RAB7A: variants seen among roughly 807,000 people sequenced by gnomAD.
The protein encoded by RAB7A is ras-related protein Rab-7a.
RAB7A carries 2 observed loss-of-function variants against 24.5 expected under a neutral mutation model. The ratio of observed to expected loss-of-function variants is 0.08; its 90% CI spans 0.03 to 0.26. RAB7A has a LOEUF of 0.26. RAB7A is among the 10% of genes least tolerant of loss of function. The probability of loss-of-function intolerance (pLI) is 1.00; values close to 1 mark genes in which losing one functional copy is unlikely to be tolerated. For synonymous variants in RAB7A, 100 were observed against 95.9 expected (o/e 1.04, Z -0.25); for missense variants, 118 against 255.7 (o/e 0.46, Z 3.67).
intron 1 of RAB7A, among the ~76,000 whole-genome samples, chr3:128,744,422 A>G (rs1444133602): frequency 6.6e-6 from 1 of 152,222 alleles, no homozygotes; most frequent in Non-Finnish European, 1.5e-5. Flanking sequence ...AGACATTTGA[A>G]ATTTATTCTC....
Position 128,798,084 on chromosome 3 carries a change from T to C in RAB7A, c.180+15T>C. On this transcript the variant is annotated intron_variant, in intron 3 of 5. Coordinates refer to ENST00000265062, the MANE Select transcript of RAB7A (RefSeq NM_004637.6). ...TCACAATGCAGGTAAGCACATGTCT[T>C]GGCTGTGCTGACCAGGCCTTGATAG... 1 of 1,613,752 alleles carries C rather than the reference T, an allele frequency of 6.2e-7. No homozygotes were observed. Among genetic ancestry groups the C allele is most frequent in the Non-Finnish European group, 8.5e-7 (1 of 1,179,704 alleles).
intron 1 of RAB7A, among the ~76,000 whole-genome samples, chr3:128,779,156 A>G (rs1360976555): frequency 2.0e-5 from 3 of 152,180 alleles, no homozygotes; most frequent in African/African-American, 4.8e-5. Flanking sequence ...GCTCACGCCT[A>G]TAATCCCAGC....
chr3:128,799,343 A>G (rs1188386545), intron 3 of RAB7A: 3 of 151,606 alleles, frequency 2.0e-5, no homozygotes, highest in Admixed American at 6.6e-5. Flanking sequence ...CAGGGCCTGT[A>G]TACCCACCTG....
intron 1 of RAB7A, among the ~76,000 whole-genome samples, chr3:128,773,210 G>A (rs1260853268): frequency 4.6e-5 from 7 of 151,222 alleles, no homozygotes; most frequent in South Asian, 2.1e-4. Flanking sequence ...CCGCGACCCC[G>A]TCTGGGATAT....
intron 1 of RAB7A, among the ~76,000 whole-genome samples, chr3:128,793,530 T>C (rs144805772): frequency 0.012 from 1,814 of 152,260 alleles, 33 homozygotes; most frequent in African/African-American, 0.039. Context: ...ATGATTTGCC[T>C]ACCTTGGCCT....
chr3:128,760,208 T>C (rs1050551440), intron 1 of RAB7A, among the ~76,000 whole-genome samples: 5 of 152,112 alleles, frequency 3.3e-5, no homozygotes, highest in Non-Finnish European at 7.4e-5. Flanking sequence ...AAAGTCTTCT[T>C]TCTCCGCCTG....
At chr3:128,740,497 G>A (rs913142012) in intron 1 of RAB7A, among the ~76,000 whole-genome samples, 22 of 152,182 alleles carry the variant, frequency 1.4e-4, no homozygotes, top group African/African-American at 5.3e-4. Flanking sequence ...TTTACATTTT[G>A]TAGTTTGAGA....
At chr3:128,812,893 A>C (rs1163106133) in intron 5 of RAB7A, among the ~76,000 whole-genome samples, 1 of 152,234 alleles carries the variant, frequency 6.6e-6, no homozygotes, top group African/African-American at 2.4e-5. Flanking sequence ...CCTCGTGCAC[A>C]CACTGGCTGA....
At chr3:128,730,449 T>C (rs558171839) in intron 1 of RAB7A, among the ~76,000 whole-genome samples, 1 of 152,200 alleles carries the variant, frequency 6.6e-6, no homozygotes, top group East Asian at 1.9e-4. Context: ...AGATTGGTCT[T>C]GATCTCCTGA....
intron 2 of RAB7A, 66 bp from the exon 3 acceptor site, chr3:128,797,877 A>G (rs1933608546): frequency 4.4e-6 from 7 of 1,574,186 alleles, no homozygotes; most frequent in Non-Finnish European, 5.2e-6. Context: ...AAATGCTTCA[A>G]GTAATTCGTG....
At chr3:128,773,007 A>G (rs373734962) in intron 1 of RAB7A, among the ~76,000 whole-genome samples, 10 of 151,906 alleles carry the variant, frequency 6.6e-5, no homozygotes, top group African/African-American at 1.9e-4. Flanking sequence ...CTGCCCGGCC[A>G]CCACCCCGTC....
At chr3:128,746,028 C>G (rs2070610870) in intron 1 of RAB7A, among the ~76,000 whole-genome samples, 1 of 152,194 alleles carries the variant, frequency 6.6e-6, no homozygotes, top group East Asian at 1.9e-4. Flanking sequence ...GATCTTGTTG[C>G]TTTCTATTCT....
intron 1 of RAB7A, among the ~76,000 whole-genome samples, chr3:128,782,958 G>C (rs1576293085): frequency 6.6e-6 from 1 of 152,182 alleles, no homozygotes; most frequent in Non-Finnish European, 1.5e-5. Context: ...TTGAGTAAGA[G>C]AGTGTCTTGT....
At chr3:128,759,333 T>C (rs1249553743) in intron 1 of RAB7A, among the ~76,000 whole-genome samples, 1 of 152,198 alleles carries the variant, frequency 6.6e-6, no homozygotes. Context: ...GGAAGGTTTA[T>C]GTTAGTTCCT....
At chr3:128,795,501 C>T in intron 2 of RAB7A, 81 bp downstream of exon 2, 1 of 1,314,554 alleles carries the variant, frequency 7.6e-7, no homozygotes. Flanking sequence ...GTCCGTGCTG[C>T]CACTTCTTGC....
intron 1 of RAB7A, among the ~76,000 whole-genome samples, chr3:128,772,357 C>A (rs1932970814): frequency 6.6e-6 from 1 of 152,114 alleles, no homozygotes; most frequent in African/African-American, 2.4e-5. Flanking sequence ...GGAAACATCC[C>A]ATGGTCTTTT....
chr3:128,733,627 G>A (rs2070459014), intron 1 of RAB7A, among the ~76,000 whole-genome samples: 1 of 152,132 alleles, frequency 6.6e-6, no homozygotes, highest in South Asian at 2.1e-4. Context: ...TCTCTTCCCT[G>A]TATCTTCACA....
chr3:128,797,842 T>A, intron 2 of RAB7A, 101 bp from the exon 3 acceptor site: 2 of 1,411,380 alleles, frequency 1.4e-6, no homozygotes, highest in Non-Finnish European at 2.0e-6. Flanking sequence ...CAGTTTCTTG[T>A]CCTTCAGGTC....
chr3:128,780,012 A>C (rs1286028933), intron 1 of RAB7A, among the ~76,000 whole-genome samples: 1 of 152,182 alleles, frequency 6.6e-6, no homozygotes, highest in Non-Finnish European at 1.5e-5. Flanking sequence ...TGCAGAGTGA[A>C]GTCATGGGAC....
Sources: allele counts gnomAD v4.1 joint callset (sites outside exome capture counted in the v4.1 genomes callset), GRCh38; gene constraint gnomAD v4.1.1; transcripts MANE v1.5; gene names NCBI Gene and HGNC (gene_info 2026-07-23, HGNC 2026-07-21).